The following CDH4 variants were observed in gnomAD, a reference collection of about 807,000 sequenced individuals.
CDH4 encodes the protein cadherin 4.
Under a neutral mutation model 86.0 loss-of-function variants are expected in CDH4, and 33 were observed. That is an observed-to-expected ratio of 0.38 (90% CI 0.29 to 0.51). The LOEUF (loss-of-function observed/expected upper bound fraction) is 0.51. Ranked by LOEUF, CDH4 falls within the 20% of genes least tolerant of loss-of-function variation. The pLI, the probability that CDH4 is intolerant of heterozygous loss-of-function variation, is 0.86. For missense variants in CDH4, 1,114 were observed against 1,307.4 expected, an observed-to-expected ratio of 0.85 and a Z score of 2.28; for synonymous variants, 555 against 549.4, an observed-to-expected ratio of 1.01 and a Z score of -0.14.
chr20:61,457,965 C>G (rs371862703), intron 2 of CDH4, among the ~76,000 whole-genome samples: 3,319 of 142,076 alleles, frequency 0.023, 178 homozygotes, highest in African/African-American at 0.085. Flanking sequence ...ATGGTATAGT[C>G]ATGGTCATGA....
intron 2 of CDH4, among the ~76,000 whole-genome samples, chr20:61,260,752 G>T (rs995976906): frequency 2.0e-5 from 3 of 152,224 alleles, no homozygotes; most frequent in Non-Finnish European, 4.4e-5. Context: ...CATCTCTGGG[G>T]GTGGTCCTTG....
chr20:61,767,052 C>T (rs2088708074), intron 3 of CDH4, among the ~76,000 whole-genome samples: 1 of 152,188 alleles, frequency 6.6e-6, no homozygotes, highest in Non-Finnish European at 1.5e-5. Context: ...GGGCTTCATC[C>T]CTTGAGCTTG....
At chr20:61,651,642 G>A (rs1041080445) in intron 2 of CDH4, among the ~76,000 whole-genome samples, 5 of 152,172 alleles carry the variant, frequency 3.3e-5, no homozygotes, top group East Asian at 1.9e-4. Flanking sequence ...GGTGGCCATC[G>A]GGGGCCATCT....
chr20:61,472,804 A>C (rs1335630973), intron 2 of CDH4, among the ~76,000 whole-genome samples: 2 of 152,208 alleles, frequency 1.3e-5, no homozygotes, highest in Non-Finnish European at 2.9e-5. Flanking sequence ...AATACTGCTG[A>C]ATGTATGTAG....
intron 2 of CDH4, among the ~76,000 whole-genome samples, chr20:61,523,539 C>T (rs980806229): frequency 6.6e-6 from 1 of 152,246 alleles, no homozygotes; most frequent in Non-Finnish European, 1.5e-5. Flanking sequence ...AGCCTCCTCT[C>T]AGCAGCCCAA....
At chr20:61,933,703 T>C (rs1369196603) in intron 14 of CDH4, among the ~76,000 whole-genome samples, 4 of 145,840 alleles carry the variant, frequency 2.7e-5, no homozygotes, top group Non-Finnish European at 4.5e-5. Flanking sequence ...AACACGACCA[T>C]AACGAATGTG....
At chr20:61,402,112 G>T (rs1178275011) in intron 2 of CDH4, among the ~76,000 whole-genome samples, 1 of 152,148 alleles carries the variant, frequency 6.6e-6, no homozygotes, top group Admixed American at 6.6e-5. Context: ...TATTTGCACA[G>T]AGCCGCTGTC....
intron 2 of CDH4, among the ~76,000 whole-genome samples, chr20:61,562,621 GA>G (rs1221817868): frequency 6.6e-6 from 1 of 152,216 alleles, no homozygotes; most frequent in Non-Finnish European, 1.5e-5. Context: ...CAGGCCTGCA[GA>G]GCAGGGAGAG....
At chr20:61,522,089 TCTC>T (rs1250942419) in intron 2 of CDH4, among the ~76,000 whole-genome samples, 4 of 152,204 alleles carry the variant, frequency 2.6e-5, no homozygotes, top group Non-Finnish European at 5.9e-5. Context: ...TCGCAGGCCT[TCTC>T]CTGAATTCCC....
chr20:61,293,089 C>T (rs1273435447), intron 2 of CDH4, among the ~76,000 whole-genome samples: 2 of 152,160 alleles, frequency 1.3e-5, no homozygotes, highest in Non-Finnish European at 2.9e-5. Flanking sequence ...CGCAGATCCC[C>T]TGCAGCTCCC....
At chr20:61,898,655 C>A (rs1464646006) in intron 8 of CDH4, among the ~76,000 whole-genome samples, 2 of 152,202 alleles carry the variant, frequency 1.3e-5, no homozygotes, top group Admixed American at 1.3e-4. Context: ...CCAGCCCTGG[C>A]CCCACCCTTG....
At chr20:61,540,573 G>C (rs900009960) in intron 2 of CDH4, among the ~76,000 whole-genome samples, 1 of 152,122 alleles carries the variant, frequency 6.6e-6, no homozygotes, top group Non-Finnish European at 1.5e-5. Flanking sequence ...CGTGCCATAC[G>C]AAATGCCGGC....
chr20:61,477,662 G>T (rs1054389575), intron 2 of CDH4, among the ~76,000 whole-genome samples: 1 of 152,224 alleles, frequency 6.6e-6, no homozygotes, highest in African/African-American at 2.4e-5. Context: ...TATCAAAGCC[G>T]TGGTCCTCCC....
chr20:61,803,876 G>A (rs1461980644), intron 4 of CDH4, among the ~76,000 whole-genome samples: 3 of 152,238 alleles, frequency 2.0e-5, no homozygotes, highest in East Asian at 1.9e-4. Context: ...AACGAGAACA[G>A]GCTCCATCGC....
chr20:61,752,691 A>G (rs2088514966), intron 3 of CDH4, among the ~76,000 whole-genome samples: 2 of 152,262 alleles, frequency 1.3e-5, no homozygotes, highest in African/African-American at 4.8e-5. Context: ...ATACGGCAGT[A>G]AAAGTGAACA....
intron 2 of CDH4, among the ~76,000 whole-genome samples, chr20:61,659,086 C>T (rs114183470): frequency 2.1e-3 from 321 of 152,300 alleles, no homozygotes; most frequent in African/African-American, 7.1e-3. Context: ...AAACTGTTCA[C>T]GGTCGTAGCA....
At chr20:61,567,644 G>C (rs1217675457) in intron 2 of CDH4, among the ~76,000 whole-genome samples, 2 of 152,222 alleles carry the variant, frequency 1.3e-5, no homozygotes, top group African/African-American at 4.8e-5. Flanking sequence ...ACCATGCCGG[G>C]TCCTCCCCTG....
At chr20:61,760,282 T>C (rs1298844793) in intron 3 of CDH4, among the ~76,000 whole-genome samples, 1 of 152,232 alleles carries the variant, frequency 6.6e-6, no homozygotes, top group Non-Finnish European at 1.5e-5. Flanking sequence ...ATGGTAATTG[T>C]TACAAGTTGC....
chr20:61,448,596 C>G (rs6121928), intron 2 of CDH4, among the ~76,000 whole-genome samples: 1,809 of 152,208 alleles, frequency 0.012, 34 homozygotes, highest in African/African-American at 0.041. Context: ...CTGATTTAGT[C>G]GGCTCTGTGC....
Sources: allele counts gnomAD v4.1 joint callset (sites outside exome capture counted in the v4.1 genomes callset), GRCh38; gene constraint gnomAD v4.1.1; transcripts MANE v1.5; gene names NCBI Gene and HGNC (gene_info 2026-07-23, HGNC 2026-07-21).